SLCO1B1: variants seen among roughly 807,000 people sequenced by gnomAD.
SLCO1B1 encodes solute carrier organic anion transporter family member 1B1, also known as OATP-2.
SLCO1B1 carries 81 observed loss-of-function variants against 70.1 expected under a neutral mutation model. The observed-to-expected ratio is 1.16, with a 90% CI of 0.97 to 1.39. SLCO1B1 has a LOEUF of 1.39. Among genes scored for constraint, SLCO1B1 ranks in the 40% most tolerant of loss-of-function variants. SLCO1B1 has a pLI of 0.00. For missense variants in SLCO1B1, 895 were observed against 799.6 expected, an observed-to-expected ratio of 1.12 and a Z score of -1.44; for synonymous variants, 283 against 271.5, an observed-to-expected ratio of 1.04 and a Z score of -0.42.
chr12:21,162,086 T>TC (rs1940626981), intron 2 of SLCO1B1, among the ~76,000 whole-genome samples: 1 of 151,562 alleles, frequency 6.6e-6, no homozygotes, highest in Admixed American at 6.6e-5. Flanking sequence ...TTTTTTAAAA[T>TC]CAGAAAAATA....
In SLCO1B1 at chr12:21,226,202, C is replaced by T. The variant is rs534698288; in HGVS notation, c.1865+1363C>T. On this transcript the variant is annotated intron_variant, in intron 14 of 14. Transcript: ENST00000256958. ...GGCCAAGGTGGGAGGATTCATGAGG[C>T]CAGGATTTCAAGACCAGCCTGGACA... 3.3e-5 allele frequency among the ~76,000 whole-genome samples: 5 copies of T among 152,000 alleles called. No individual in the cohort carries two copies. The South Asian group carries it at 1.0e-3, about 32-fold the overall frequency.
At chr12:21,136,904 G>C (rs113873696) in intron 1 of SLCO1B1, among the ~76,000 whole-genome samples, 1 of 152,106 alleles carries the variant, frequency 6.6e-6, no homozygotes, top group African/African-American at 2.4e-5. Context: ...GAGGAGAGGC[G>C]CTCTGATCTT....
chr12:21,135,942 C>G (rs952927149), intron 1 of SLCO1B1, among the ~76,000 whole-genome samples: 1 of 152,176 alleles, frequency 6.6e-6, no homozygotes, highest in Non-Finnish European at 1.5e-5. Context: ...ATGGTCTTTA[C>G]AATTTGGCAT....
intron 1 of SLCO1B1, among the ~76,000 whole-genome samples, chr12:21,137,119 T>C (rs1397698603): frequency 6.6e-6 from 1 of 152,186 alleles, no homozygotes; most frequent in Non-Finnish European, 1.5e-5. Flanking sequence ...TTGCCTGGGT[T>C]TCAGCCTCAG....
chr12:21,145,472 C>CCTTT (rs1591797702), intron 2 of SLCO1B1, among the ~76,000 whole-genome samples: 13 of 35,838 alleles, frequency 3.6e-4, no homozygotes, highest in East Asian at 1.3e-3. Context: ...GCATTTTTTT[C>CCTTT]ATTTTTTTTT....
At chr12:21,137,487 G>T (rs537000385) in intron 1 of SLCO1B1, among the ~76,000 whole-genome samples, 1 of 152,148 alleles carries the variant, frequency 6.6e-6, no homozygotes, top group African/African-American at 2.4e-5. Context: ...CACCCAGTTC[G>T]AGCTTCCCAG....
intron 10 of SLCO1B1, among the ~76,000 whole-genome samples, chr12:21,204,404 C>T (rs1409117482): frequency 1.3e-5 from 2 of 151,340 alleles, no homozygotes; most frequent in Non-Finnish European, 2.9e-5. Flanking sequence ...CTTAGTATTA[C>T]TTTCTAATAT....
intron 2 of SLCO1B1, among the ~76,000 whole-genome samples, chr12:21,152,532 G>GTTTTTTTT (rs1321105425): frequency 1.3e-4 from 1 of 7,918 alleles, no homozygotes; most frequent in Non-Finnish European, 6.1e-4. Context: ...GAGAGGAGAG[G>GTTTTTTTT]CTTTTTTTTT....
At chr12:21,176,679 A>AT (rs1940824861) in intron 4 of SLCO1B1, 97 bp from the exon 5 acceptor site, 1 of 963,242 alleles carries the variant, frequency 1.0e-6, no homozygotes, top group Admixed American at 1.8e-5. Context: ...GGGGAAGATA[A>AT]TGGTGCAAAT....
chr12:21,192,446 GCT>G (rs1214375403), intron 7 of SLCO1B1, among the ~76,000 whole-genome samples: 1 of 151,122 alleles, frequency 6.6e-6, no homozygotes, highest in African/African-American at 2.4e-5. Context: ...TCTACTTTCA[GCT>G]CTTATTTTGT....
At chr12:21,147,725 T>C (rs1432502302) in intron 2 of SLCO1B1, among the ~76,000 whole-genome samples, 1 of 152,208 alleles carries the variant, frequency 6.6e-6, no homozygotes, top group Non-Finnish European at 1.5e-5. Flanking sequence ...CTATTGTGAA[T>C]AGTGCTGCAA....
rs138374684 is a variant in SLCO1B1, at chr12:21,178,579, G to A, written c.485G>A (p.Cys162Tyr). ...AAACACTCTCTTATCTACATAGGTTGTTTAAAGGAATCTGGGTCATACATG... is the reference window on the plus strand; with the variant it reads ...AAACACTCTCTTATCTACATAGGTTATTTAAAGGAATCTGGGTCATACATG... ...RASPEIVGKG[C>Y]LKESGSYMWI... The change falls in exon 6 of 15, where the codon TGT becomes TAT. Residue 162 changes from cysteine to tyrosine, a missense_variant. By Grantham distance (194) the Cys-to-Tyr change is radical. Transcript: ENST00000256958. The A allele has an allele frequency of 2.1e-5, 33 of 1,603,368 alleles. No individual in the cohort carries two copies. The African/African-American group carries it at 3.6e-4, about 18-fold the overall frequency.
chr12:21,231,841 A>G (rs2121204684), intron 14 of SLCO1B1, among the ~76,000 whole-genome samples: 1 of 152,148 alleles, frequency 6.6e-6, no homozygotes, highest in South Asian at 2.1e-4. Context: ...ACTTTTAGCT[A>G]TAGTGCCCTT....
intron 11 of SLCO1B1, among the ~76,000 whole-genome samples, chr12:21,209,523 G>A (rs978158424): frequency 6.6e-6 from 1 of 152,110 alleles, no homozygotes; most frequent in Non-Finnish European, 1.5e-5. Context: ...AAACATACGT[G>A]TGCATGTGTC....
Position 21,131,823 on chromosome 12 carries a change from GT to G in SLCO1B1, c.-62+594del, listed in dbSNP as rs538299181. On this transcript the variant is annotated intron_variant, in intron 1 of 14. Coordinates refer to ENST00000256958, the MANE Select transcript of SLCO1B1 (RefSeq NM_006446.5). Reference sequence around the variant, plus strand: ...ATAAGCAAAAAGTCTTCTCAGTACAGTTTTTTTCTTTTTTTATTTCATTATT... The same window carrying G: ...ATAAGCAAAAAGTCTTCTCAGTACAGTTTTTTCTTTTTTTATTTCATTATT... Among the ~76,000 whole-genome samples the G allele has an allele frequency of 9.2e-5, 14 of 151,848 alleles. 1 individual carries two copies. The highest frequency in any genetic ancestry group is 2.6e-4 in the Admixed American group (4 of 15,218).
intron 11 of SLCO1B1, among the ~76,000 whole-genome samples, 190 bp downstream of exon 11, chr12:21,206,223 A>G (rs1941213405): frequency 1.3e-5 from 2 of 151,920 alleles, no homozygotes; most frequent in African/African-American, 4.8e-5. Flanking sequence ...TTAGGGCACA[A>G]TCAGGTTTTT....
chr12:21,234,504 C>T lies in SLCO1B1; in HGVS notation c.1866-4475C>T, dbSNP rs140026651. 8.0e-3 allele frequency among the ~76,000 whole-genome samples: 1,211 copies of T among 152,180 alleles called. 14 individuals carry two copies. Among genetic ancestry groups the T allele is most frequent in the African/African-American group, 0.026 (1,088 of 41,496 alleles). ...GGTTTGTTTTGGGAAAGGACTGTTA[C>T]TGTCTTGGTTTTAAACTCGAAGCTA... On this transcript the variant is annotated intron_variant, in intron 14 of 14. Transcript: ENST00000256958.
At chr12:21,204,122 C>G (rs549366498) in intron 10 of SLCO1B1, among the ~76,000 whole-genome samples, 1 of 151,944 alleles carries the variant, frequency 6.6e-6, no homozygotes, top group Non-Finnish European at 1.5e-5. Context: ...TTCATAAAAT[C>G]CTGCGACTGG....
intron 2 of SLCO1B1, among the ~76,000 whole-genome samples, chr12:21,147,115 T>C (rs1157192759): frequency 6.6e-6 from 1 of 151,764 alleles, no homozygotes; most frequent in Non-Finnish European, 1.5e-5. Context: ...GGTGCCTCTA[T>C]GTTAAGAAGT....
Sources: gnomAD v4.1 joint callset for allele counts (sites outside exome capture counted in the v4.1 genomes callset) on GRCh38, gnomAD v4.1.1 for gene constraint, MANE v1.5 for transcripts, NCBI Gene and HGNC (gene_info 2026-07-23, HGNC 2026-07-21) for gene names.